The following CHCHD6 variants were observed in gnomAD, a reference collection of about 807,000 sequenced individuals.
CHCHD6 encodes coiled-coil-helix-coiled-coil-helix domain containing 6.
In CHCHD6, 28 loss-of-function variants were observed where a neutral mutation model predicts 32.3. The observed-to-expected ratio is 0.87, with a 90% confidence interval of 0.64 to 1.19. CHCHD6 has a LOEUF of 1.19. Ranked by LOEUF, CHCHD6 falls within the 50% of genes most tolerant of loss-of-function variation. The pLI, the probability that CHCHD6 is intolerant of heterozygous loss-of-function variation, is 0.00. For missense variants in CHCHD6, 333 were observed against 307.0 expected (o/e 1.08, Z -0.63); for synonymous variants, 122 against 117.5 (o/e 1.04, Z -0.25).
chr3:126,880,255 A>G (rs936324836), intron 5 of CHCHD6, among the ~76,000 whole-genome samples: 1 of 152,160 alleles, frequency 6.6e-6, no homozygotes, highest in African/African-American at 2.4e-5. Context: ...ATGGGGACAA[A>G]GACTAGAGGG....
chr3:126,833,705 G>C (rs1313548534), intron 4 of CHCHD6, among the ~76,000 whole-genome samples: 3 of 152,196 alleles, frequency 2.0e-5, no homozygotes, highest in Non-Finnish European at 1.5e-5. Context: ...CTCTCGAGAA[G>C]ATTGTTGAAA....
chr3:126,789,593 T>C (rs1938416271), intron 4 of CHCHD6, among the ~76,000 whole-genome samples: 1 of 152,230 alleles, frequency 6.6e-6, no homozygotes, highest in Non-Finnish European at 1.5e-5. Flanking sequence ...TCTTTGTCTC[T>C]TTTGATCTTT....
At chr3:126,737,326 A>T (rs1576355635) in intron 4 of CHCHD6, among the ~76,000 whole-genome samples, 1 of 151,054 alleles carries the variant, frequency 6.6e-6, no homozygotes, top group Non-Finnish European at 1.5e-5. Context: ...CTAAAAACCC[A>T]AGAAAGCAAA....
At chr3:126,789,285 G>A (rs1332348093) in intron 4 of CHCHD6, among the ~76,000 whole-genome samples, 2 of 152,176 alleles carry the variant, frequency 1.3e-5, no homozygotes, top group African/African-American at 2.4e-5. Flanking sequence ...GTGCTGAGAA[G>A]AATGTATATT....
intron 4 of CHCHD6, among the ~76,000 whole-genome samples, chr3:126,738,656 C>T (rs77120110): frequency 2.3e-3 from 343 of 152,254 alleles, no homozygotes; most frequent in African/African-American, 7.5e-3. Context: ...TGCTTTGAAG[C>T]CCGCTGTGCA....
chr3:126,841,528 A>G (rs768546127), intron 4 of CHCHD6, among the ~76,000 whole-genome samples: 1 of 152,160 alleles, frequency 6.6e-6, no homozygotes, highest in Non-Finnish European at 1.5e-5. Flanking sequence ...TAGACCCATC[A>G]TGGATCTTGC....
intron 6 of CHCHD6, among the ~76,000 whole-genome samples, chr3:126,954,754 A>T (rs976618432): frequency 6.6e-6 from 1 of 152,178 alleles, no homozygotes; most frequent in South Asian, 2.1e-4. Context: ...GATGGAAGTC[A>T]TGCTCTGGGG....
At chr3:126,870,363 A>G (rs1249569058) in intron 5 of CHCHD6, among the ~76,000 whole-genome samples, 1 of 152,196 alleles carries the variant, frequency 6.6e-6, no homozygotes, top group Non-Finnish European at 1.5e-5. Flanking sequence ...ACAGAACCAC[A>G]CAGCATCCAC....
intron 4 of CHCHD6, among the ~76,000 whole-genome samples, chr3:126,759,302 C>T (rs1189539748): frequency 6.6e-6 from 1 of 152,218 alleles, no homozygotes; most frequent in Non-Finnish European, 1.5e-5. Context: ...TCCATAAATA[C>T]CTGAATATGC....
chr3:126,919,048 T>C (rs970474894), intron 6 of CHCHD6, among the ~76,000 whole-genome samples: 1 of 152,166 alleles, frequency 6.6e-6, no homozygotes, highest in Non-Finnish European at 1.5e-5. Context: ...TCTGTTTAAT[T>C]CTTCTGTGAT....
At chr3:126,760,034 A>G (rs1937104726) in intron 4 of CHCHD6, among the ~76,000 whole-genome samples, 1 of 152,034 alleles carries the variant, frequency 6.6e-6, no homozygotes, top group South Asian at 2.1e-4. Flanking sequence ...AAACAACTAG[A>G]TCTCTTGAAA....
At chr3:126,887,017 A>G (rs150230421) in intron 5 of CHCHD6, among the ~76,000 whole-genome samples, 281 of 152,260 alleles carry the variant, frequency 1.8e-3, no homozygotes, top group African/African-American at 6.4e-3. Flanking sequence ...TGGACTAGGA[A>G]TTGTTTGCTT....
chr3:126,780,498 T>C (rs1937882888), intron 4 of CHCHD6: 1 of 204,248 alleles, frequency 4.9e-6, no homozygotes, highest in Non-Finnish European at 1.0e-5. Flanking sequence ...AAATAGTATT[T>C]TCTGTACTTT....
Position 126,718,172 on chromosome 3 carries a change from A to G in CHCHD6, c.88-8906A>G, listed in dbSNP as rs75498539. Among the ~76,000 whole-genome samples, 889 of 152,314 alleles carry G rather than the reference A, an allele frequency of 5.8e-3. 11 individuals are homozygous for G. Among genetic ancestry groups the G allele is most frequent in the African/African-American group, 0.02 (852 of 41,574 alleles). On this transcript the variant is annotated intron_variant, in intron 1 of 7. Coordinates refer to ENST00000290913, the MANE Select transcript of CHCHD6 (RefSeq NM_032343.3). Reference sequence around the variant, plus strand: ...GAGAAAAGACTTGCTCAAGGTTGCAAAGCTACATGGAGAGCACTTAGAACA... The same window carrying G: ...GAGAAAAGACTTGCTCAAGGTTGCAGAGCTACATGGAGAGCACTTAGAACA...
chr3:126,953,289 G>T (rs955781619), intron 6 of CHCHD6: 5 of 265,900 alleles, frequency 1.9e-5, no homozygotes, highest in Non-Finnish European at 2.3e-5. Context: ...ATGCAGACTC[G>T]CTAATGCCCT....
chr3:126,835,282 G>A (rs931964496), intron 4 of CHCHD6, among the ~76,000 whole-genome samples: 3 of 152,198 alleles, frequency 2.0e-5, no homozygotes, highest in Admixed American at 1.3e-4. Context: ...ACACAGCCCC[G>A]ATCCCTCCAG....
intron 6 of CHCHD6, among the ~76,000 whole-genome samples, chr3:126,931,726 C>T (rs1195712581): frequency 6.6e-6 from 1 of 152,154 alleles, no homozygotes; most frequent in African/African-American, 2.4e-5. Flanking sequence ...CTTCTTAGTC[C>T]TCTGTTCCAA....
At chr3:126,882,360 G>T (rs1373654886) in intron 5 of CHCHD6, among the ~76,000 whole-genome samples, 3 of 152,214 alleles carry the variant, frequency 2.0e-5, no homozygotes, top group African/African-American at 7.2e-5. Context: ...AAGAGGAACT[G>T]CTATGAAAGG....
intron 6 of CHCHD6, among the ~76,000 whole-genome samples, chr3:126,922,909 C>T (rs187815440): frequency 1.8e-4 from 28 of 152,288 alleles, no homozygotes; most frequent in Admixed American, 1.1e-3. Flanking sequence ...AAACAAAAGA[C>T]GCCGGGTGGC....
Sources: gnomAD v4.1 joint callset for allele counts (sites outside exome capture counted in the v4.1 genomes callset) on GRCh38, gnomAD v4.1.1 for gene constraint, MANE v1.5 for transcripts, NCBI Gene and HGNC (gene_info 2026-07-23, HGNC 2026-07-21) for gene names.